Variants in STARD13 observed in about 807,000 individuals in gnomAD.
The protein encoded by STARD13 is stAR-related lipid transfer protein 13.
Under a neutral mutation model 106.4 loss-of-function variants are expected in STARD13, and 62 were observed. That is an observed-to-expected ratio of 0.58 (90% CI 0.48 to 0.72). STARD13 has a LOEUF of 0.72. STARD13 is among the 30% of genes least tolerant of loss of function. The pLI is 0.00. For synonymous variants in STARD13, 565 were observed against 553.0 expected (o/e 1.02, Z -0.31); for missense variants, 1,387 against 1,424.0 (o/e 0.97, Z 0.42).
chr13:33,377,814 C>T, the STARD13 span, among the ~76,000 whole-genome samples: 1 of 152,118 alleles, frequency 6.6e-6, no homozygotes, highest in Non-Finnish European at 1.5e-5. Context: ...TTCCCTTGTC[C>T]TAAACCCAGA....
At chr13:33,617,215 A>G in the STARD13 span, among the ~76,000 whole-genome samples, 4 of 152,214 alleles carry the variant, frequency 2.6e-5, no homozygotes, top group African/African-American at 4.8e-5. Flanking sequence ...GGCTGACTCA[A>G]TAACACTATA....
the STARD13 span, among the ~76,000 whole-genome samples, chr13:33,476,398 C>A: frequency 6.6e-6 from 1 of 152,176 alleles, no homozygotes; most frequent in Admixed American, 6.5e-5. Flanking sequence ...TATCTAGAAT[C>A]AATCTTAGCA....
At chr13:33,108,207 C>T (rs530068085) in intron 12 of STARD13, among the ~76,000 whole-genome samples, 34 of 152,326 alleles carry the variant, frequency 2.2e-4, no homozygotes, top group African/African-American at 7.0e-4. Context: ...TGACCAGCCT[C>T]ATACATGCTA....
At chr13:33,613,606 G>C in the STARD13 span, among the ~76,000 whole-genome samples, 3 of 152,224 alleles carry the variant, frequency 2.0e-5, no homozygotes, top group Non-Finnish European at 4.4e-5. Context: ...TGAATGTTGA[G>C]TGGATAACCA....
the STARD13 span, among the ~76,000 whole-genome samples, chr13:33,638,949 T>C: frequency 6.6e-6 from 1 of 151,962 alleles, no homozygotes; most frequent in South Asian, 2.1e-4. Context: ...TAGCTAACCT[T>C]TTTTTTTGGC....
At chr13:33,588,143 G>A in the STARD13 span, among the ~76,000 whole-genome samples, 9 of 152,032 alleles carry the variant, frequency 5.9e-5, no homozygotes, top group Non-Finnish European at 1.5e-5. Flanking sequence ...GCTATGCAGT[G>A]AGCTCTTGAA....
the STARD13 span, among the ~76,000 whole-genome samples, chr13:33,506,816 TA>T: frequency 6.6e-6 from 1 of 152,166 alleles, no homozygotes; most frequent in Non-Finnish European, 1.5e-5. Flanking sequence ...AAAAGGCTAT[TA>T]AAATACTTCT....
chr13:33,318,462 G>A (rs1273165855), intron 1 of STARD13, among the ~76,000 whole-genome samples: 1 of 152,120 alleles, frequency 6.6e-6, no homozygotes, highest in Non-Finnish European at 1.5e-5. Flanking sequence ...AAGTGTAAGA[G>A]TTAAAGCTAT....
chr13:33,450,765 T>C, the STARD13 span, among the ~76,000 whole-genome samples: 1 of 152,154 alleles, frequency 6.6e-6, no homozygotes, highest in Non-Finnish European at 1.5e-5. Flanking sequence ...AAGAATATGC[T>C]CATTGGGAAA....
At chr13:33,321,801 T>C (rs1893569832) in intron 1 of STARD13, among the ~76,000 whole-genome samples, 1 of 152,216 alleles carries the variant, frequency 6.6e-6, no homozygotes, top group African/African-American at 2.4e-5. Context: ...TCATCTCCTC[T>C]GAGAAGAGTT....
chr13:33,197,603 A>G (rs763986693), intron 1 of STARD13, among the ~76,000 whole-genome samples: 1 of 152,214 alleles, frequency 6.6e-6, no homozygotes, highest in African/African-American at 2.4e-5. Flanking sequence ...CAGCGAGCCA[A>G]TTCCACTTCG....
intron 1 of STARD13, among the ~76,000 whole-genome samples, chr13:33,261,533 T>C (rs1890640728): frequency 6.6e-6 from 1 of 152,166 alleles, no homozygotes; most frequent in Non-Finnish European, 1.5e-5. Context: ...GTCATTTTCA[T>C]CTCACAGCTC....
chr13:33,417,771 T>TG, the STARD13 span, among the ~76,000 whole-genome samples: 3 of 151,984 alleles, frequency 2.0e-5, no homozygotes, highest in Admixed American at 1.3e-4. Flanking sequence ...GAGGTAAGAC[T>TG]GGGGGGGAAA....
At chr13:33,292,492 T>C (rs968142156) in intron 1 of STARD13, among the ~76,000 whole-genome samples, 1 of 151,648 alleles carries the variant, frequency 6.6e-6, no homozygotes, top group East Asian at 1.9e-4. Flanking sequence ...TCCCATCTAA[T>C]TGGAAGGCTG....
chr13:33,614,173 C>T, the STARD13 span, among the ~76,000 whole-genome samples: 1 of 152,034 alleles, frequency 6.6e-6, no homozygotes, highest in Non-Finnish European at 1.5e-5. Flanking sequence ...TGAGGTAGAG[C>T]CCTTGGCAAC....
At chr13:33,205,790 A>T (rs1381545642) in intron 1 of STARD13, 18 of 928,986 alleles carry the variant, frequency 1.9e-5, no homozygotes, top group Non-Finnish European at 2.2e-5. Flanking sequence ...CACCACCACG[A>T]CCTCTTTTTC....
the STARD13 span, among the ~76,000 whole-genome samples, chr13:33,528,928 A>G: frequency 6.6e-6 from 1 of 152,320 alleles, no homozygotes; most frequent in Admixed American, 6.5e-5. Flanking sequence ...TTGTGACTTC[A>G]GCCAATTACT....
the STARD13 span, among the ~76,000 whole-genome samples, chr13:33,531,096 A>C: frequency 6.6e-6 from 1 of 152,140 alleles, no homozygotes; most frequent in Non-Finnish European, 1.5e-5. Flanking sequence ...ATAGTGAATA[A>C]GTCTTATGAG....
chr13:33,470,909 G>A, the STARD13 span, among the ~76,000 whole-genome samples: 157 of 152,256 alleles, frequency 1.0e-3, no homozygotes, highest in Non-Finnish European at 1.9e-3. Flanking sequence ...ATTTTGGTGT[G>A]CAGAAGCTCT....
Sources: allele counts gnomAD v4.1 joint callset (sites outside exome capture counted in the v4.1 genomes callset), GRCh38; gene constraint gnomAD v4.1.1; transcripts MANE v1.5; gene names NCBI Gene and HGNC (gene_info 2026-07-23, HGNC 2026-07-21).